The following CIB4 variants were observed in gnomAD, a reference collection of about 807,000 sequenced individuals.
CIB4 encodes the protein calcium and integrin binding family member 4.
CIB4 carries 25 observed loss-of-function variants against 25.8 expected under a neutral mutation model. That is an observed-to-expected ratio of 0.97 (90% CI 0.71 to 1.35). The LOEUF (loss-of-function observed/expected upper bound fraction) is 1.35. Among genes scored for constraint, CIB4 ranks in the 40% most tolerant of loss-of-function variants. The probability of loss-of-function intolerance (pLI) is 0.00; values close to 1 mark genes in which losing one functional copy is unlikely to be tolerated. For synonymous variants in CIB4, 75 were observed against 81.4 expected (o/e 0.92, Z 0.42); for missense variants, 235 against 228.2 (o/e 1.03, Z -0.19).
intron 3 of CIB4, among the ~76,000 whole-genome samples, chr2:26,612,540 C>T (rs982029858): frequency 9.2e-5 from 14 of 152,084 alleles, no homozygotes; most frequent in African/African-American, 3.4e-4. Flanking sequence ...TCCCAGGGTC[C>T]CTGGTGGCTC....
chr2:26,609,281 A>C (rs1042524259), intron 3 of CIB4, among the ~76,000 whole-genome samples: 2 of 152,118 alleles, frequency 1.3e-5, no homozygotes, highest in African/African-American at 4.8e-5. Flanking sequence ...CAGGCACTCC[A>C]GGATAGAGGC....
Position 26,586,116 on chromosome 2 carries a change from C to T in CIB4, c.329-2218G>A, listed in dbSNP as rs554685221. On this transcript the variant is annotated intron_variant, in intron 4 of 6. Transcript: ENST00000288861. Reference sequence around the variant, plus strand: ...GGCAGTCTCTTGCTGAGCTTCCCTCCTCTCTCTCTGCCCCCGGAAGTCTAT... The same window carrying T: ...GGCAGTCTCTTGCTGAGCTTCCCTCTTCTCTCTCTGCCCCCGGAAGTCTAT... Among the ~76,000 whole-genome samples, 82 of 152,186 alleles carry T rather than the reference C, an allele frequency of 5.4e-4. 1 individual carries two copies. Among genetic ancestry groups the T allele is most frequent in the Non-Finnish European group, 1.0e-3 (71 of 68,030 alleles).
intron 2 of CIB4, among the ~76,000 whole-genome samples, chr2:26,636,782 A>AT (rs1487936345): frequency 6.6e-6 from 1 of 151,946 alleles, no homozygotes; most frequent in African/African-American, 2.4e-5. Flanking sequence ...CTAGATTGAA[A>AT]TTTTTTCCTT....
chr2:26,630,023 C>A (rs1243424453), intron 2 of CIB4, among the ~76,000 whole-genome samples: 1 of 152,198 alleles, frequency 6.6e-6, no homozygotes, highest in Admixed American at 6.5e-5. Flanking sequence ...AAACCACCAG[C>A]CTTGCTAGGC....
At chr2:26,592,962 T>C (rs1245112716) in intron 4 of CIB4, among the ~76,000 whole-genome samples, 1 of 152,214 alleles carries the variant, frequency 6.6e-6, no homozygotes. Context: ...TCTTTCTGGG[T>C]GTCTCTGTCA....
In CIB4 at chr2:26,627,967, A is replaced by G. The variant is rs1288722357; in HGVS notation, c.186+1443T>C. Among the ~76,000 whole-genome samples, 1 of 152,066 alleles carries G rather than the reference A, an allele frequency of 6.6e-6. No homozygotes were observed. Among genetic ancestry groups the G allele is most frequent in the Non-Finnish European group, 1.5e-5 (1 of 68,016 alleles). On this transcript the variant is annotated intron_variant, in intron 3 of 6. Transcript: ENST00000288861. The surrounding 1 kb of genome is among the most constrained non-coding windows in gnomAD (Gnocchi z 4.0). ...AGGAGCCAGCCTCCTCCTCCCTGGT[A>G]TCCCCAGGCCTCTTCCAAGTGGTGG...
chr2:26,604,955 C>T lies in CIB4; in HGVS notation c.187-9638G>A, dbSNP rs139888388. Among the ~76,000 whole-genome samples, 193 of 152,218 alleles carry T rather than the reference C, an allele frequency of 1.3e-3. 1 individual carries two copies. The highest frequency in any genetic ancestry group is 4.2e-3 in the African/African-American group (173 of 41,536). ...ATTGATATTTTACAGAACACGCCAC[C>T]CCACACAGCAGAATATACATTTTTT... On this transcript the variant is annotated intron_variant, in intron 3 of 6. Transcript: ENST00000288861.
chr2:26,622,233 C>A (rs1669217638), intron 3 of CIB4, among the ~76,000 whole-genome samples: 1 of 152,016 alleles, frequency 6.6e-6, no homozygotes, highest in Non-Finnish European at 1.5e-5. Flanking sequence ...TGGTGGCGGG[C>A]ACCTGTAATC....
chr2:26,613,454 G>A (rs1346482356), intron 3 of CIB4, among the ~76,000 whole-genome samples: 8 of 152,144 alleles, frequency 5.3e-5, no homozygotes, highest in Non-Finnish European at 1.0e-4. Flanking sequence ...TCCCCAGGTG[G>A]TCCTGCCACT....
chr2:26,612,002 T>A (rs1049588100), intron 3 of CIB4, among the ~76,000 whole-genome samples: 2 of 152,254 alleles, frequency 1.3e-5, no homozygotes, highest in African/African-American at 4.8e-5. Flanking sequence ...CTTAAAATTT[T>A]ATTTTATTGG....
At chr2:26,609,665 GCCATTTCAACT>G (rs1316610931) in intron 3 of CIB4, among the ~76,000 whole-genome samples, 3 of 152,128 alleles carry the variant, frequency 2.0e-5, no homozygotes, top group Non-Finnish European at 4.4e-5. Context: ...GGATTTCACA[GCCATTTCAACT>G]CCATTTTTCA....
At chr2:26,637,637 T>G (rs1669558775) in intron 2 of CIB4, among the ~76,000 whole-genome samples, 1 of 152,180 alleles carries the variant, frequency 6.6e-6, no homozygotes, top group Admixed American at 6.5e-5. Context: ...AATCAGCACT[T>G]ACTTCACCTG....
intron 3 of CIB4, among the ~76,000 whole-genome samples, chr2:26,598,234 AG>A: frequency 6.6e-6 from 1 of 151,658 alleles, no homozygotes; most frequent in Middle Eastern, 3.4e-3. Context: ...CAGGAGGCGG[AG>A]GTTGCAGTGA....
chr2:26,618,776 G>A (rs1251131348), intron 3 of CIB4, among the ~76,000 whole-genome samples: 1 of 152,194 alleles, frequency 6.6e-6, no homozygotes, highest in Non-Finnish European at 1.5e-5. Flanking sequence ...GGTCCTCATG[G>A]AGGAAGAAGT....
At chr2:26,603,389 ATAAAG>A (rs1391103097) in intron 3 of CIB4, among the ~76,000 whole-genome samples, 8 of 152,220 alleles carry the variant, frequency 5.3e-5, no homozygotes, top group East Asian at 3.8e-4. Flanking sequence ...GTTTTGAAAA[ATAAAG>A]TAAATATAAA....
At chr2:26,634,496 G>C (rs775454669) in intron 2 of CIB4, among the ~76,000 whole-genome samples, 6 of 152,200 alleles carry the variant, frequency 3.9e-5, no homozygotes, top group Non-Finnish European at 8.8e-5. Flanking sequence ...GCCAGGTATT[G>C]CTCTAACAAT....
intron 2 of CIB4, among the ~76,000 whole-genome samples, chr2:26,637,081 G>A (rs1208326388): frequency 6.6e-6 from 1 of 152,104 alleles, no homozygotes; most frequent in African/African-American, 2.4e-5. Context: ...CCTGAGTCAG[G>A]GGCCTGTCTG....
At chr2:26,636,794 G>A (rs538394821) in intron 2 of CIB4, among the ~76,000 whole-genome samples, 5 of 152,136 alleles carry the variant, frequency 3.3e-5, no homozygotes, top group Non-Finnish European at 5.9e-5. Context: ...TTTTTCCTTA[G>A]AATTTTGAAT....
Position 26,583,876 on chromosome 2 carries a change from A to G in CIB4, c.351T>C (p.Ile117=), listed in dbSNP as rs996303275. 1 of 1,612,324 alleles carries G rather than the reference A, an allele frequency of 6.2e-7. No homozygotes were observed. Among genetic ancestry groups the G allele is most frequent in the Non-Finnish European group, 8.5e-7 (1 of 1,178,534 alleles). ...RIYDFNENGF[I]DEEDLQRIIL... is the part of the protein sequence containing the mutation. ...TGATCCTCTGCAGATCCTCCTCATCAATGAAGCCATTCTCATTAAAATCTG... is the reference window on the plus strand; with the variant it reads ...TGATCCTCTGCAGATCCTCCTCATCGATGAAGCCATTCTCATTAAAATCTG... Residue 117 remains isoleucine (I), a synonymous_variant, in exon 5 of 7, where the codon ATT becomes ATC. Coordinates refer to ENST00000288861, the MANE Select transcript of CIB4 (RefSeq NM_001029881.3).
Sources: allele counts gnomAD v4.1 joint callset (sites outside exome capture counted in the v4.1 genomes callset), GRCh38; gene constraint gnomAD v4.1.1; non-coding constraint Gnocchi (gnomAD v3.1); transcripts MANE v1.5; gene names NCBI Gene and HGNC (gene_info 2026-07-23, HGNC 2026-07-21).